The following OSTN variants were observed in gnomAD, a reference collection of about 807,000 sequenced individuals.
The protein encoded by OSTN is osteocrin.
OSTN carries 9 observed loss-of-function variants against 12.0 expected under a neutral mutation model. The observed-to-expected ratio is 0.75, with a 90% confidence interval of 0.45 to 1.30. The LOEUF (loss-of-function observed/expected upper bound fraction) is 1.30. Among genes scored for constraint, OSTN ranks in the 50% most tolerant of loss-of-function variants. OSTN has a pLI of 0.00. For synonymous variants in OSTN, 59 were observed against 56.9 expected (o/e 1.04, Z -0.16); for missense variants, 148 against 152.3 (o/e 0.97, Z 0.15).
chr3:191,260,456 C>G (rs985201841), intron 4 of OSTN, among the ~76,000 whole-genome samples: 7 of 145,818 alleles, frequency 4.8e-5, no homozygotes, highest in African/African-American at 1.7e-4. Flanking sequence ...AAGGAACCCA[C>G]AAATTTCTGA....
chr3:191,241,240 G>T (rs1315122479), intron 3 of OSTN, among the ~76,000 whole-genome samples: 4 of 135,078 alleles, frequency 3.0e-5, no homozygotes, highest in Non-Finnish European at 6.1e-5. Context: ...GTGCAGTGGC[G>T]CGATCTCGGC....
rs2108532900 is a variant in OSTN at position 191,218,810 on chromosome 3, A to G, written c.166A>G (p.Thr56Ala). The G allele has an allele frequency of 6.2e-7, 1 of 1,614,094 alleles. No homozygotes were observed. The highest frequency in any genetic ancestry group is 1.1e-5 in the South Asian group (1 of 91,084). Residue 56 changes from threonine to alanine, a missense_variant, in exon 3 of 5, where the codon ACT (threonine) becomes GCT (alanine). Transcript: ENST00000682035. ...TPTVREEKSA[T>A]DLTAKLLLLD... ...CACAGTCAGGGAAGAGAAATCAGCC[A>G]CTGACCTGACAGCAAAACTCTTGCT...
chr3:191,255,392 G>A (rs529246730), intron 4 of OSTN, among the ~76,000 whole-genome samples: 3 of 152,292 alleles, frequency 2.0e-5, no homozygotes, highest in African/African-American at 7.2e-5. Context: ...CATAGGCAAG[G>A]TATCAGGCAA....
chr3:191,261,804 T>C (rs933957391), intron 4 of OSTN, among the ~76,000 whole-genome samples: 1 of 152,234 alleles, frequency 6.6e-6, no homozygotes, highest in African/African-American at 2.4e-5. Context: ...AGGCTTTAGC[T>C]CTAAGCAACT....
At position 191,250,145 on chromosome 3, in the gene OSTN, T is replaced by C. The variant is rs199866901; in HGVS notation, c.*12+12T>C. 3.0e-4 allele frequency: 456 copies of C among 1,545,698 alleles called. 6 individuals carry two copies. In the East Asian group the frequency reaches 0.01, roughly 34 times the overall value. On this transcript the variant is annotated intron_variant, in intron 4 of 4. Coordinates refer to ENST00000682035, the MANE Select transcript of OSTN (RefSeq NM_198184.2). ...AATTGATTCCAATTGTGAGTACAATTTGAATAAGTAACAGTATATGCAGGT... is the reference window on the plus strand; with the variant it reads ...AATTGATTCCAATTGTGAGTACAATCTGAATAAGTAACAGTATATGCAGGT...
intron 4 of OSTN, among the ~76,000 whole-genome samples, chr3:191,252,085 G>T (rs530479850): frequency 6.6e-6 from 1 of 152,122 alleles, no homozygotes; most frequent in South Asian, 2.1e-4. Context: ...TTTTGAGACG[G>T]AGTCTCACTC....
intron 4 of OSTN, among the ~76,000 whole-genome samples, chr3:191,260,757 T>A (rs958092622): frequency 2.6e-5 from 4 of 152,146 alleles, no homozygotes; most frequent in Admixed American, 2.6e-4. Flanking sequence ...TAGTCAGATG[T>A]CAAGCTCTCC....
At chr3:191,214,101 A>G (rs1714537668) in intron 2 of OSTN, among the ~76,000 whole-genome samples, 1 of 152,172 alleles carries the variant, frequency 6.6e-6, no homozygotes, top group African/African-American at 2.4e-5. Flanking sequence ...GGGATAACTA[A>G]CTTTATAACA....
chr3:191,214,738 A>G (rs1714562702), intron 2 of OSTN, among the ~76,000 whole-genome samples: 1 of 152,120 alleles, frequency 6.6e-6, no homozygotes, highest in Admixed American at 6.6e-5. Context: ...ATAAAGAACT[A>G]CTTGGTCAGG....
At chr3:191,206,069 A>T (rs1386311714) in intron 1 of OSTN, among the ~76,000 whole-genome samples, 2 of 152,062 alleles carry the variant, frequency 1.3e-5, no homozygotes, top group African/African-American at 4.8e-5. Flanking sequence ...CTGTAATCCC[A>T]GCTACTCAGG....
chr3:191,204,587 G>A (rs75067848), intron 1 of OSTN, among the ~76,000 whole-genome samples: 120 of 152,236 alleles, frequency 7.9e-4, no homozygotes, highest in Non-Finnish European at 1.5e-3. Flanking sequence ...GACTGGAATC[G>A]CAGTTTCAAT....
chr3:191,227,083 G>GA (rs748894202), intron 3 of OSTN, among the ~76,000 whole-genome samples: 160 of 151,810 alleles, frequency 1.1e-3, no homozygotes, highest in Non-Finnish European at 1.9e-3. Flanking sequence ...GAATAAACTG[G>GA]AAAAAATGTT....
intron 3 of OSTN, among the ~76,000 whole-genome samples, chr3:191,241,795 C>T (rs1576935640): frequency 1.3e-5 from 2 of 152,242 alleles, no homozygotes; most frequent in Middle Eastern, 6.8e-3. Context: ...TCATACAAAA[C>T]ATGTTCTCAA....
chr3:191,201,399 G>A (rs1330761607), intron 1 of OSTN, among the ~76,000 whole-genome samples: 1 of 151,978 alleles, frequency 6.6e-6, no homozygotes, highest in Non-Finnish European at 1.5e-5. Context: ...TTTAATGATT[G>A]CTTCCTCTGT....
At chr3:191,228,081 G>A (rs1224396624) in intron 3 of OSTN, among the ~76,000 whole-genome samples, 1 of 152,032 alleles carries the variant, frequency 6.6e-6, no homozygotes. Flanking sequence ...CTAGCAATAC[G>A]ATTTTTCAAA....
At chr3:191,207,362 G>A (rs773989332) in intron 1 of OSTN, among the ~76,000 whole-genome samples, 79 of 149,018 alleles carry the variant, frequency 5.3e-4, no homozygotes, top group Middle Eastern at 3.5e-3. Flanking sequence ...GCAGGTTGAA[G>A]AGAAATGTCC....
At chr3:191,255,639 A>G (rs1258269337) in intron 4 of OSTN, among the ~76,000 whole-genome samples, 5 of 152,232 alleles carry the variant, frequency 3.3e-5, no homozygotes, top group Non-Finnish European at 7.3e-5. Context: ...GGCAGGTAGA[A>G]AGAAATATGC....
chr3:191,217,479 A>T (rs1355028939), intron 2 of OSTN, among the ~76,000 whole-genome samples: 1 of 152,242 alleles, frequency 6.6e-6, no homozygotes, highest in East Asian at 1.9e-4. Flanking sequence ...GAGATTCCCC[A>T]GAGCTAAAAA....
At chr3:191,260,717 T>A (rs1013964348) in intron 4 of OSTN, among the ~76,000 whole-genome samples, 1 of 152,030 alleles carries the variant, frequency 6.6e-6, no homozygotes, top group Admixed American at 6.6e-5. Flanking sequence ...GCCCTTCGGG[T>A]GATGGAGACC....
Sources: gnomAD v4.1 joint callset for allele counts (sites outside exome capture counted in the v4.1 genomes callset) on GRCh38, gnomAD v4.1.1 for gene constraint, MANE v1.5 for transcripts, NCBI Gene and HGNC (gene_info 2026-07-23, HGNC 2026-07-21) for gene names.